Variants in IMPACT observed in about 807,000 individuals in gnomAD.
The protein encoded by IMPACT is impact RWD domain protein.
A neutral mutation model predicts 47.5 loss-of-function variants in IMPACT; 35 were observed. The ratio of observed to expected loss-of-function variants is 0.74; its 90% CI spans 0.56 to 0.98. IMPACT has a LOEUF of 0.98. IMPACT is among the 50% of genes least tolerant of loss of function. The probability of loss-of-function intolerance (pLI) is 0.00; values close to 1 mark genes in which losing one functional copy is unlikely to be tolerated. For missense variants in IMPACT, 373 were observed against 394.8 expected, an observed-to-expected ratio of 0.94 and a Z score of 0.47; for synonymous variants, 118 against 125.6, an observed-to-expected ratio of 0.94 and a Z score of 0.40.
At chr18:24,435,723 T>A (rs186393840) in intron 4 of IMPACT, among the ~76,000 whole-genome samples, 1 of 152,140 alleles carries the variant, frequency 6.6e-6, no homozygotes, top group Admixed American at 6.5e-5. Flanking sequence ...CTGAAAGATA[T>A]TATGTGGGGC....
Position 24,443,235 on chromosome 18 carries a change from CT to C in IMPACT, c.594+87del. The stretch of plus-strand genomic sequence containing the variant: ...TTTTGCAATAATCCCCTTGTTTTTA[CT>C]TTTATGTTTTATTTTCATATAAGAT... On this transcript the variant is annotated intron_variant, in intron 7 of 10. Coordinates refer to ENST00000284202, the MANE Select transcript of IMPACT (RefSeq NM_018439.4). 3 of 590,148 alleles carry C rather than the reference CT, an allele frequency of 5.1e-6. No individual in the cohort carries two copies. The South Asian group carries it at 8.2e-5, about 16-fold the overall frequency. 36.6% of individuals were successfully genotyped at this position (590,148 alleles called of 1,614,324 possible).
At chr18:24,450,650 T>TATAC (rs1202043636) in intron 10 of IMPACT, 129 bp from the exon 11 acceptor site, 1 of 584,970 alleles carries the variant, frequency 1.7e-6, no homozygotes, top group Non-Finnish European at 3.0e-6. Context: ...CTGTAACATA[T>TATAC]ATACATACAT....
intron 8 of IMPACT, among the ~76,000 whole-genome samples, chr18:24,447,566 A>G: frequency 6.6e-6 from 1 of 152,226 alleles, no homozygotes; most frequent in East Asian, 1.9e-4. Context: ...AAGAAAATAG[A>G]GAAATGCTTG....
In IMPACT at chr18:24,430,394, A is replaced by G. The variant is rs770971756; in HGVS notation, c.281+10A>G. The G allele has an allele frequency of 1.3e-6, 2 of 1,582,718 alleles. No individual in the cohort carries two copies. Among genetic ancestry groups the G allele is most frequent in the Non-Finnish European group, 1.7e-6 (2 of 1,165,078 alleles). ...TTGAGGAAATATATATGTAAGTGACAGGCGATTTTTTAAAATAATTCTGTT... is the reference window on the plus strand; with the variant it reads ...TTGAGGAAATATATATGTAAGTGACGGGCGATTTTTTAAAATAATTCTGTT... On this transcript the variant is annotated intron_variant, in intron 4 of 10. Coordinates refer to ENST00000284202, the MANE Select transcript of IMPACT (RefSeq NM_018439.4).
Position 24,452,894 on chromosome 18 carries a change from C to A in IMPACT, c.*2047C>A, listed in dbSNP as rs1307175603. ...CTGCAGCCTTGACCTTCCAGCCTGC[C>A]AAGTAGCTGGGATTACAGACAGGCA... On this transcript the variant is annotated 3_prime_UTR_variant, in exon 11 of 11. Transcript: ENST00000284202. 1.3e-5 allele frequency: 2 copies of A among 152,128 alleles called. No homozygotes were observed. The highest frequency in any genetic ancestry group is 4.8e-5 in the African/African-American group (2 of 41,404). The allele number at this position is 152,128 out of a possible 1,614,324, so 9.4% of individuals were successfully genotyped here.
At position 24,426,752 on chromosome 18, in the gene IMPACT, G is replaced by A; in HGVS notation, c.-5G>A. On this transcript the variant is annotated 5_prime_UTR_variant, in exon 1 of 11. Coordinates refer to ENST00000284202, the MANE Select transcript of IMPACT (RefSeq NM_018439.4). ...CGGCGGCTGCAGGGCAGGTCCAGGG[G>A]CCACATGGCTGAGGGGGACGCAGGG... 8.0e-7 allele frequency: 1 copy of A among 1,244,230 alleles called. No homozygotes were observed. The highest frequency in any genetic ancestry group is 1.5e-5 in the African/African-American group (1 of 64,544). The allele number at this position is 1,244,230 out of a possible 1,614,324, so 77.1% of individuals were successfully genotyped here. A position where few individuals can be genotyped will look rare whatever the true frequency, so the allele number is the denominator to read the frequency against.
At chr18:24,441,490 G>T (rs983277406) in intron 6 of IMPACT, among the ~76,000 whole-genome samples, 1 of 152,062 alleles carries the variant, frequency 6.6e-6, no homozygotes, top group South Asian at 2.1e-4. Flanking sequence ...CCTAGTTTTC[G>T]TTTAAACAAA....
intron 4 of IMPACT, among the ~76,000 whole-genome samples, chr18:24,433,857 G>A (rs2037677489): frequency 6.6e-6 from 1 of 151,586 alleles, no homozygotes; most frequent in South Asian, 2.1e-4. Flanking sequence ...TTTTAGTAGA[G>A]ACGGGGTTTC....
intron 8 of IMPACT, among the ~76,000 whole-genome samples, chr18:24,446,330 T>C (rs900876019): frequency 6.6e-6 from 1 of 152,174 alleles, no homozygotes; most frequent in African/African-American, 2.4e-5. Context: ...CCTCCCAAAG[T>C]GTTAGGATTT....
intron 8 of IMPACT, among the ~76,000 whole-genome samples, chr18:24,447,709 T>G (rs1372995897): frequency 1.3e-5 from 2 of 152,196 alleles, no homozygotes; most frequent in Non-Finnish European, 2.9e-5. Flanking sequence ...TGCCACTTAC[T>G]TCCTTTATAA....
In IMPACT at chr18:24,450,815, G is replaced by A; in HGVS notation, c.931G>A (p.Val311Ile). ...TAAGGCTTTGGGAAAGAACAAAAAA[G>A]TAAGAAAAGACAAGAAGAGGAATGA... ...SSKALGKNKK[V>I]RKDKKRNEH The change falls in exon 11 of 11, where the codon GTA (valine) becomes ATA (isoleucine). Residue 311 changes from valine (V) to isoleucine (I), a missense_variant. Transcript: ENST00000284202. The A allele has an allele frequency of 5.6e-6, 9 of 1,610,308 alleles. No individual in the cohort carries two copies. The highest frequency in any genetic ancestry group is 7.6e-6 in the Non-Finnish European group (9 of 1,177,112).
chr18:24,439,303 G>T (rs1478562941), intron 5 of IMPACT, among the ~76,000 whole-genome samples: 1 of 152,114 alleles, frequency 6.6e-6, no homozygotes, highest in Non-Finnish European at 1.5e-5. Context: ...GGCCGAGGTG[G>T]GTGGATCACC....
Position 24,428,896 on chromosome 18 carries a change from A to G in IMPACT, c.193A>G (p.Thr65Ala), listed in dbSNP as rs1283262013. 1 of 1,611,960 alleles carries G rather than the reference A, an allele frequency of 6.2e-7. No individual in the cohort carries two copies. The highest frequency in any genetic ancestry group is 1.7e-5 in the Admixed American group (1 of 59,766). The part of the protein sequence containing the change: ...QVMLPNEYPG[T>A]APPIYQLNAP... ...GATGCTGCCGAATGAATACCCAGGT[A>G]CAGCTCCACCTATCTACCAGTTGAA... The change falls in exon 3 of 11, where the codon ACA (threonine) becomes GCA (alanine). Residue 65 changes from threonine to alanine, a missense_variant. Thr to Ala is a moderately conservative substitution (Grantham distance 58, BLOSUM62 0). Transcript: ENST00000284202.
chr18:24,427,798 G>A (rs1908651038), intron 1 of IMPACT, 121 bp from the exon 2 acceptor site: 8 of 906,336 alleles, frequency 8.8e-6, no homozygotes, highest in Middle Eastern at 3.4e-4. Context: ...GCCTGGTGAG[G>A]CTCATCTAGG....
At chr18:24,435,440 T>C (rs1172564552) in intron 4 of IMPACT, 3 of 152,236 alleles carry the variant, frequency 2.0e-5, no homozygotes, top group East Asian at 1.9e-4. Flanking sequence ...TGCTCTATTA[T>C]AGCAATATTT....
chr18:24,428,817 A>G lies in IMPACT; in HGVS notation c.166-52A>G, dbSNP rs137939291. The G allele has an allele frequency of 8.6e-6, 12 of 1,390,518 alleles. No homozygotes were observed. The African/African-American group carries it at 1.6e-4, about 19-fold the overall frequency. The allele number at this position is 1,390,518 out of a possible 1,614,324, so 86.1% of individuals were successfully genotyped here. On this transcript the variant is annotated intron_variant, in intron 2 of 10. Transcript: ENST00000284202. ...AGTTGCTAGCTTTATAAATATGGTT[A>G]CTTTTGAACCTTGATGAAGTGTAAA... is the stretch of plus-strand genomic sequence containing the variant.
rs1485324609 is a variant in IMPACT, at chr18:24,443,073, C to T, written c.515C>T (p.Pro172Leu). 18 of 1,594,160 alleles carry T rather than the reference C, an allele frequency of 1.1e-5. No homozygotes were observed. The highest frequency in any genetic ancestry group is 6.7e-5 in the South Asian group (6 of 89,006). Residue 172 changes from proline to leucine, a missense_variant, in exon 7 of 11, where the codon CCG becomes CTG. Pro to Leu is a moderately conservative substitution (Grantham distance 98). Transcript: ENST00000284202. ...GAAGTAGAAGTAGAAGAATTACCTC[C>T]GATTGATCATGGCATTCCTATTACA... Reference protein sequence around the residue: ...RTEVEVEELPPIDHGIPITDR... With the variant: ...RTEVEVEELPLIDHGIPITDR...
rs188557704 is a variant in IMPACT at position 24,447,103 on chromosome 18, T to A, written c.669-990T>A. On this transcript the variant is annotated intron_variant, in intron 8 of 10. Coordinates refer to ENST00000284202, the MANE Select transcript of IMPACT (RefSeq NM_018439.4). ...AAAAGAAAAAAGTACTCATAGTATT[T>A]TAACTTTAATGTTCATAGTAGATGG... 2.0e-5 allele frequency among the ~76,000 whole-genome samples: 3 copies of A among 152,366 alleles called. No individual in the cohort carries two copies. In the East Asian group the frequency reaches 5.8e-4, roughly 29 times the overall value.
Position 24,428,020 on chromosome 18 carries a change from T to C in IMPACT, c.138T>C (p.Asp46=), listed in dbSNP as rs1908658491. ...IFCIRISDDI[D]DPKWTLCLQV... Reference sequence around the variant, plus strand: ...GTATTAGAATTAGCGACGATATAGATGACCCCAAATGGACACTTTGCTTGC... The same window carrying C: ...GTATTAGAATTAGCGACGATATAGACGACCCCAAATGGACACTTTGCTTGC... Residue 46 remains aspartate, a synonymous_variant, in exon 2 of 11, where the codon GAT becomes GAC. Transcript: ENST00000284202. 2.5e-6 allele frequency: 4 copies of C among 1,590,182 alleles called. No homozygotes were observed. Among genetic ancestry groups the C allele is most frequent in the East Asian group, 2.3e-5 (1 of 43,966 alleles).
Sources: gnomAD v4.1 joint callset for allele counts (sites outside exome capture counted in the v4.1 genomes callset) on GRCh38, gnomAD v4.1.1 for gene constraint, MANE v1.5 for transcripts, NCBI Gene and HGNC (gene_info 2026-07-23, HGNC 2026-07-21) for gene names.